The following SCEL variants were observed in gnomAD, a reference collection of about 807,000 sequenced individuals.
The protein encoded by SCEL is sciellin.
Under a neutral mutation model 117.6 loss-of-function variants are expected in SCEL, and 113 were observed. The ratio of observed to expected loss-of-function variants is 0.96; its 90% CI spans 0.83 to 1.12. The LOEUF (loss-of-function observed/expected upper bound fraction) is 1.12. Ranked by LOEUF, SCEL falls within the 50% of genes most tolerant of loss-of-function variation. The pLI is 0.00. For synonymous variants in SCEL, 270 were observed against 256.2 expected, an observed-to-expected ratio of 1.05 and a Z score of -0.51; for missense variants, 785 against 810.8, an observed-to-expected ratio of 0.97 and a Z score of 0.39.
At chr13:77,605,415 C>T (rs2088084046) in intron 19 of SCEL, among the ~76,000 whole-genome samples, 1 of 152,166 alleles carries the variant, frequency 6.6e-6, no homozygotes, top group Non-Finnish European at 1.5e-5. Context: ...CATTGATTTC[C>T]TTCAGTACCT....
chr13:77,640,666 A>T lies in SCEL; in HGVS notation c.1839-10A>T. On this transcript the variant is annotated splice_polypyrimidine_tract_variant and intron_variant, in intron 30 of 32. Transcript: ENST00000349847. Reference sequence around the variant, plus strand: ...GGCAAATTTATTTTTAATTGCTTACATTTCTATAGGTCTGTCATTGAAAGA... The same window carrying T: ...GGCAAATTTATTTTTAATTGCTTACTTTTCTATAGGTCTGTCATTGAAAGA... 1 of 1,479,178 alleles carries T rather than the reference A, an allele frequency of 6.8e-7. No homozygotes were observed. The highest frequency in any genetic ancestry group is 9.3e-7 in the Non-Finnish European group (1 of 1,076,690). 91.6% of individuals were successfully genotyped at this position (1,479,178 alleles called of 1,614,324 possible).
intron 28 of SCEL, among the ~76,000 whole-genome samples, chr13:77,631,838 G>T (rs1472740770): frequency 6.6e-6 from 1 of 152,222 alleles, no homozygotes; most frequent in Non-Finnish European, 1.5e-5. Context: ...AGCATGGGCT[G>T]CCATAACAAA....
intron 11 of SCEL, among the ~76,000 whole-genome samples, chr13:77,592,231 C>T (rs1291981672): frequency 1.3e-5 from 2 of 152,114 alleles, no homozygotes; most frequent in Non-Finnish European, 2.9e-5. Flanking sequence ...CACATGTATT[C>T]TCTTCTTTGG....
chr13:77,608,189 GA>G, intron 20 of SCEL, 74 bp downstream of exon 20: 1 of 1,210,396 alleles, frequency 8.3e-7, no homozygotes, highest in South Asian at 1.4e-5. Context: ...AAGATGTGTT[GA>G]AAAACCTTTG....
At chr13:77,619,572 T>G (rs2089295332) in intron 27 of SCEL, among the ~76,000 whole-genome samples, 2 of 152,168 alleles carry the variant, frequency 1.3e-5, no homozygotes. Context: ...TGATCAGATG[T>G]ATTTATTCTG....
chr13:77,548,920 C>T (rs1047638415), intron 1 of SCEL, among the ~76,000 whole-genome samples: 2 of 152,150 alleles, frequency 1.3e-5, no homozygotes, highest in African/African-American at 4.8e-5. Flanking sequence ...GTGTATAGTT[C>T]CATTGTGCAT....
chr13:77,629,378 A>T (rs200718907), intron 28 of SCEL, among the ~76,000 whole-genome samples: 2 of 151,172 alleles, frequency 1.3e-5, no homozygotes, highest in South Asian at 2.1e-4. Context: ...TGATAACCAA[A>T]TTTTTTTTTG....
In SCEL at chr13:77,584,292, C is replaced by A. The variant is rs941107624; in HGVS notation, c.546-4852C>A. Among the ~76,000 whole-genome samples, 5 of 152,312 alleles carry A rather than the reference C, an allele frequency of 3.3e-5. No homozygotes were observed. In the East Asian group the frequency reaches 5.8e-4, roughly 18 times the overall value. The stretch of plus-strand genomic sequence containing the variant: ...ACTCCTCTCATTGCCCGCCCCACCC[C>A]AGGGCTTGAGTTCTGTCATCTGTGG... On this transcript the variant is annotated intron_variant, in intron 9 of 32. Coordinates refer to ENST00000349847, the MANE Select transcript of SCEL (RefSeq NM_144777.3).
chr13:77,610,272 G>A (rs1288176656), intron 22 of SCEL, among the ~76,000 whole-genome samples, 166 bp downstream of exon 22: 1 of 151,946 alleles, frequency 6.6e-6, no homozygotes, highest in Non-Finnish European at 1.5e-5. Flanking sequence ...CTAACATGGT[G>A]AAACCCTGTC....
intron 5 of SCEL, among the ~76,000 whole-genome samples, chr13:77,565,572 A>G (rs2154396933): frequency 6.6e-6 from 1 of 152,366 alleles, no homozygotes; most frequent in Non-Finnish European, 1.5e-5. Context: ...TCCTGTTAGC[A>G]GGAGCTGAAC....
chr13:77,623,858 A>G (rs573400845), intron 27 of SCEL, among the ~76,000 whole-genome samples: 1 of 152,316 alleles, frequency 6.6e-6, no homozygotes, highest in East Asian at 1.9e-4. Context: ...GAGAAAATAT[A>G]TGTAATCACG....
chr13:77,626,124 C>G (rs2089719236), intron 27 of SCEL, among the ~76,000 whole-genome samples: 1 of 152,130 alleles, frequency 6.6e-6, no homozygotes, highest in Non-Finnish European at 1.5e-5. Context: ...TGGGGAGTCT[C>G]ACAATCATGG....
chr13:77,567,580 G>C, intron 5 of SCEL, 100 bp from the exon 6 acceptor site: 1 of 802,566 alleles, frequency 1.2e-6, no homozygotes, highest in Admixed American at 2.5e-5. Flanking sequence ...CTTTACTAGA[G>C]AAAGGCTATG....
At chr13:77,576,635 C>G (rs2154398259) in intron 9 of SCEL, among the ~76,000 whole-genome samples, 1 of 152,286 alleles carries the variant, frequency 6.6e-6, no homozygotes, top group East Asian at 1.9e-4. Flanking sequence ...AAAATGAAAT[C>G]CATACTTCTT....
chr13:77,644,255 C>A lies in SCEL; in HGVS notation c.2051-3C>A. ...TGCACGTCTTTTTTCTTTTAATTTG[C>A]AGCAAAGTGGATTCCATAACTCTGG... On this transcript the variant is annotated splice_polypyrimidine_tract_variant and splice_region_variant and intron_variant, in intron 32 of 32. Transcript: ENST00000349847. The A allele has an allele frequency of 6.2e-7, 1 of 1,612,630 alleles. No homozygotes were observed. The highest frequency in any genetic ancestry group is 1.1e-5 in the South Asian group (1 of 90,916).
At position 77,637,103 on chromosome 13, in the gene SCEL, A is replaced by C; in HGVS notation, c.1764-17A>C. 7.5e-7 allele frequency: 1 copy of C among 1,339,968 alleles called. No homozygotes were observed. The highest frequency in any genetic ancestry group is 1.0e-6 in the Non-Finnish European group (1 of 959,000). 83.0% of individuals were successfully genotyped at this position (1,339,968 alleles called of 1,614,324 possible). A position where few individuals can be genotyped will look rare whatever the true frequency, so the allele number is the denominator to read the frequency against. The stretch of plus-strand genomic sequence containing the variant: ...AAAATCACCTGATTCTCACATGTCC[A>C]TATATTTTGTTCCTAGTAAATCACC... On this transcript the variant is annotated splice_polypyrimidine_tract_variant and intron_variant, in intron 29 of 32. Transcript: ENST00000349847.
At chr13:77,599,650 A>G (rs2087507270) in intron 14 of SCEL, 39 bp from the exon 15 acceptor site, 1 of 1,431,902 alleles carries the variant, frequency 7.0e-7, no homozygotes, top group Non-Finnish European at 9.9e-7. Flanking sequence ...ATTTCATTTC[A>G]GTATGCAGCC....
chr13:77,633,809 C>G (rs2090146831), intron 28 of SCEL, among the ~76,000 whole-genome samples: 2 of 152,214 alleles, frequency 1.3e-5, no homozygotes, highest in African/African-American at 4.8e-5. Flanking sequence ...GGGTTACCTG[C>G]ATAAACAGCT....
intron 4 of SCEL, among the ~76,000 whole-genome samples, chr13:77,563,019 G>A (rs1024553899): frequency 3.3e-5 from 5 of 152,076 alleles, no homozygotes; most frequent in African/African-American, 4.8e-5. Context: ...CATTAAACAG[G>A]CTTTTTTAAA....
Sources: allele counts gnomAD v4.1 joint callset (sites outside exome capture counted in the v4.1 genomes callset), GRCh38; gene constraint gnomAD v4.1.1; transcripts MANE v1.5; gene names NCBI Gene and HGNC (gene_info 2026-07-23, HGNC 2026-07-21).